Variants in RHOF observed in about 807,000 individuals in gnomAD.
The protein encoded by RHOF is rho-related GTP-binding protein RhoF.
A neutral mutation model predicts 22.2 loss-of-function variants in RHOF; 21 were observed. That is an observed-to-expected ratio of 0.95 (90% confidence interval 0.67 to 1.36). RHOF has a LOEUF of 1.36. Ranked by LOEUF, RHOF falls within the 40% of genes most tolerant of loss-of-function variation. The pLI is 0.00. For missense variants in RHOF, 285 were observed against 293.7 expected (o/e 0.97, Z 0.22); for synonymous variants, 135 against 131.2 (o/e 1.03, Z -0.20).
At position 121,781,222 on chromosome 12, in the gene RHOF, G is replaced by A. The variant is rs748520216; in HGVS notation, c.227-30C>T. The A allele has an allele frequency of 3.8e-6, 6 of 1,596,710 alleles. No homozygotes were observed. The Admixed American group carries it at 6.7e-5, about 18-fold the overall frequency. On this transcript the variant is annotated intron_variant, in intron 2 of 4. Coordinates refer to ENST00000267205, the MANE Select transcript of RHOF (RefSeq NM_019034.3). Reference sequence around the variant, plus strand: ...AAGCACAGAGCAGCGGGGGTCAGGGGACGTCCCCTCCCTGTCTGGACTCTG... The same window carrying A: ...AAGCACAGAGCAGCGGGGGTCAGGGAACGTCCCCTCCCTGTCTGGACTCTG...
intron 2 of RHOF, among the ~76,000 whole-genome samples, chr12:121,787,022 A>G (rs1331818974): frequency 1.3e-5 from 2 of 152,216 alleles, no homozygotes; most frequent in Admixed American, 6.5e-5. Context: ...TGAGGAACAC[A>G]GCGAGACTCT....
At chr12:121,785,596 TTTTTTGTA>T (rs1490179111) in intron 2 of RHOF, among the ~76,000 whole-genome samples, 1 of 151,490 alleles carries the variant, frequency 6.6e-6, no homozygotes. Context: ...CTGGCTAATT[TTTTTTGTA>T]TTTTTATTAT....
At position 121,793,679 on chromosome 12, in the gene RHOF, G is replaced by A; in HGVS notation, c.-46C>T. The A allele has an allele frequency of 1.4e-6, 2 of 1,469,630 alleles. No individual in the cohort carries two copies. Among genetic ancestry groups the A allele is most frequent in the Non-Finnish European group, 1.8e-6 (2 of 1,118,310 alleles). 91.0% of individuals were successfully genotyped at this position (1,469,630 alleles called of 1,614,324 possible). On this transcript the variant is annotated 5_prime_UTR_variant, in exon 1 of 5. Transcript: ENST00000267205. ...GGCGGCGGCGCGCCGGGCACTAGCG[G>A]AGCCAAGAGGTCGGGGGCGGGGCGG...
chr12:121,793,673 C>T lies in RHOF; in HGVS notation c.-40G>A. 1 of 1,485,784 alleles carries T rather than the reference C, an allele frequency of 6.7e-7. No individual in the cohort carries two copies. The highest frequency in any genetic ancestry group is 8.9e-7 in the Non-Finnish European group (1 of 1,125,604). The allele number at this position is 1,485,784 out of a possible 1,614,324, so 92.0% of individuals were successfully genotyped here. A position where few individuals can be genotyped will look rare whatever the true frequency, so the allele number is the denominator to read the frequency against. On this transcript the variant is annotated 5_prime_UTR_variant, in exon 1 of 5. It adds an upstream start codon to the 5' untranslated region. Transcript: ENST00000267205. ...AGCACTGGCGGCGGCGCGCCGGGCA[C>T]TAGCGGAGCCAAGAGGTCGGGGGCG...
Position 121,781,122 on chromosome 12 carries a change from G to A in RHOF, c.297C>T (p.Asp99=), listed in dbSNP as rs749396048. The change falls in exon 3 of 5, where the codon GAC becomes GAT. Residue 99 remains aspartate, a synonymous_variant. Transcript: ENST00000267205. ...QNTHLVLICY[D]VMNPTSYDNV... ...TGTCGTAGCTGGTGGGATTCATGACGTCATAGCAGATGAGCACGAGGTGGG... is the reference window on the plus strand; with the variant it reads ...TGTCGTAGCTGGTGGGATTCATGACATCATAGCAGATGAGCACGAGGTGGG... The A allele has an allele frequency of 1.1e-5, 18 of 1,614,098 alleles. No individual in the cohort carries two copies. The highest frequency in any genetic ancestry group is 9.3e-5 in the African/African-American group (7 of 74,938).
intron 2 of RHOF, among the ~76,000 whole-genome samples, chr12:121,785,528 G>A (rs1254972117): frequency 1.3e-5 from 2 of 150,880 alleles, no homozygotes; most frequent in African/African-American, 2.4e-5. Flanking sequence ...CTGGGTTCAA[G>A]TGGTTCTCCT....
rs972292051 is a variant in RHOF at position 121,779,603 on chromosome 12, A to G, written c.531T>C (p.Phe177=). 24 of 1,614,078 alleles carry G rather than the reference A, an allele frequency of 1.5e-5. No individual in the cohort carries two copies. Among genetic ancestry groups the G allele is most frequent in the Non-Finnish European group, 1.9e-5 (22 of 1,180,028 alleles). Residue 177 remains phenylalanine, a synonymous_variant, in exon 5 of 5, where the codon TTT becomes TTC. Coordinates refer to ENST00000267205, the MANE Select transcript of RHOF (RefSeq NM_019034.3). ...GGAAGACGTCCTCCACATTCTCCCGAAACTTGGCGGAACATTCCAGGTAGA... is the reference window on the plus strand; with the variant it reads ...GGAAGACGTCCTCCACATTCTCCCGGAACTTGGCGGAACATTCCAGGTAGA... ...AALYLECSAK[F]RENVEDVFRE...
chr12:121,790,532 G>C (rs1182585025), intron 2 of RHOF, among the ~76,000 whole-genome samples: 1 of 152,332 alleles, frequency 6.6e-6, no homozygotes, highest in South Asian at 2.1e-4. Context: ...TCCAGGCCTT[G>C]CTCCATGACA....
At chr12:121,791,492 C>T (rs935547061) in intron 2 of RHOF, among the ~76,000 whole-genome samples, 2 of 152,200 alleles carry the variant, frequency 1.3e-5, no homozygotes, top group Admixed American at 6.5e-5. Flanking sequence ...ATGGCAGGAA[C>T]AGGATGGGAC....
chr12:121,780,990 G>T lies in RHOF; in HGVS notation c.353C>A (p.Thr118Lys), dbSNP rs148151288. ...NVLIKWFPEVTHFCRGIPMVL... is the reference protein window; with the variant it reads ...NVLIKWFPEVKHFCRGIPMVL... ...CATGGGGATCCCGCGGCAGAAATGC[G>T]TGACCTCAGGGAACCACTGTGGAGG... Residue 118 changes from threonine to lysine, a missense_variant, in exon 4 of 5, where the codon ACG becomes AAG. Physicochemically the swap from Thr to Lys is moderately conservative, Grantham distance 78. Coordinates refer to ENST00000267205, the MANE Select transcript of RHOF (RefSeq NM_019034.3). 9 of 1,613,800 alleles carry T rather than the reference G, an allele frequency of 5.6e-6. No individual in the cohort carries two copies. The highest frequency in any genetic ancestry group is 7.6e-6 in the Non-Finnish European group (9 of 1,179,782).
At chr12:121,793,436 C>A in intron 1 of RHOF, 60 bp downstream of exon 1, 1 of 1,529,484 alleles carries the variant, frequency 6.5e-7, no homozygotes. Flanking sequence ...AGGGTCGGGG[C>A]TCTGGGCTCA....
At chr12:121,780,723 G>A in intron 4 of RHOF, 149 bp downstream of exon 4, 1 of 889,204 alleles carries the variant, frequency 1.1e-6, no homozygotes, top group East Asian at 2.7e-5. Flanking sequence ...AGGTCCACAG[G>A]CCATCAATAC....
At chr12:121,792,450 G>A (rs1397344441) in intron 2 of RHOF, among the ~76,000 whole-genome samples, 2 of 152,222 alleles carry the variant, frequency 1.3e-5, no homozygotes, top group African/African-American at 4.8e-5. Context: ...AACCACCCGT[G>A]GGGGCCTGCA....
rs1874353706 is a variant in RHOF, at chr12:121,779,338, C to G, written c.*160G>C. On this transcript the variant is annotated 3_prime_UTR_variant, in exon 5 of 5. Coordinates refer to ENST00000267205, the MANE Select transcript of RHOF (RefSeq NM_019034.3). ...TGGAGGGGAGTTTGTGGTCAGAGCC[C>G]CAGCCAGGAAAGGAGAGAGTTCCAG... is the stretch of plus-strand genomic sequence containing the variant. The G allele has an allele frequency of 3.9e-6, 3 of 778,128 alleles. No homozygotes were observed. Among genetic ancestry groups the G allele is most frequent in the Non-Finnish European group, 4.0e-6 (2 of 499,356 alleles). 48.2% of individuals were successfully genotyped at this position (778,128 alleles called of 1,614,324 possible).
intron 2 of RHOF, among the ~76,000 whole-genome samples, chr12:121,789,299 A>G (rs1874699872): frequency 6.6e-6 from 1 of 151,774 alleles, no homozygotes; most frequent in Non-Finnish European, 1.5e-5. Context: ...CTGGTGAGGA[A>G]GTCTCTAGGC....
At chr12:121,780,834 A>T in intron 4 of RHOF, 38 bp downstream of exon 4, 1 of 1,593,990 alleles carries the variant, frequency 6.3e-7, no homozygotes. Context: ...GAGGCTTCAC[A>T]GCCACGGCTG....
chr12:121,782,128 A>G (rs1397914466), intron 2 of RHOF: 2 of 152,008 alleles, frequency 1.3e-5, no homozygotes, highest in Non-Finnish European at 2.9e-5. Context: ...TTATCTGGAG[A>G]CAGACACTTC....
intron 2 of RHOF, among the ~76,000 whole-genome samples, chr12:121,789,521 G>A (rs1293890959): frequency 6.6e-6 from 1 of 152,204 alleles, no homozygotes; most frequent in Non-Finnish European, 1.5e-5. Flanking sequence ...GACACACAGG[G>A]CGGGTGGACC....
chr12:121,788,814 C>T (rs1262199412), intron 2 of RHOF, among the ~76,000 whole-genome samples: 1 of 152,034 alleles, frequency 6.6e-6, no homozygotes, highest in African/African-American at 2.4e-5. Context: ...GAGTGGGGGG[C>T]AGTGCCGGGA....
Sources: allele counts gnomAD v4.1 joint callset (sites outside exome capture counted in the v4.1 genomes callset), GRCh38; gene constraint gnomAD v4.1.1; transcripts MANE v1.5; gene names NCBI Gene and HGNC (gene_info 2026-07-23, HGNC 2026-07-21).